Variants in ADD2 observed in about 807,000 individuals in gnomAD.
ADD2 encodes the protein adducin 2.
Under a neutral mutation model 83.0 loss-of-function variants are expected in ADD2, and 23 were observed. The observed-to-expected ratio is 0.28, with a 90% CI of 0.20 to 0.39. ADD2 has a LOEUF of 0.39. Ranked by LOEUF, ADD2 falls within the 10% of genes least tolerant of loss-of-function variation. The pLI is 1.00. For missense variants in ADD2, 758 were observed against 944.9 expected (o/e 0.80, Z 2.59); for synonymous variants, 375 against 375.4 (o/e 1.00, Z 0.01).
In ADD2 at chr2:70,713,121, C is replaced by T; in HGVS notation, c.-90G>A. The stretch of plus-strand genomic sequence containing the variant: ...CCTTCTGTTCACTGCTCAGTCTGCA[C>T]CCCCTAGCTCCACTCTCAAGGGTGC... On this transcript the variant is annotated 5_prime_UTR_variant, in exon 2 of 16. The change creates a new upstream start codon in the 5' untranslated region. Coordinates refer to ENST00000264436, the MANE Select transcript of ADD2 (RefSeq NM_001617.4). 3.6e-5 allele frequency: 35 copies of T among 983,468 alleles called. No homozygotes were observed. Among genetic ancestry groups the T allele is most frequent in the Non-Finnish European group, 4.2e-5 (35 of 830,004 alleles). The allele number at this position is 983,468 out of a possible 1,614,324, so 60.9% of individuals were successfully genotyped here.
chr2:70,698,646 T>C (rs1158663094), intron 4 of ADD2, among the ~76,000 whole-genome samples: 2 of 152,206 alleles, frequency 1.3e-5, no homozygotes, highest in African/African-American at 4.8e-5. Context: ...ATCATTATAT[T>C]ATTATTTATA....
intron 1 of ADD2, among the ~76,000 whole-genome samples, chr2:70,743,568 C>T (rs1674031471): frequency 6.6e-6 from 1 of 152,104 alleles, no homozygotes; most frequent in Non-Finnish European, 1.5e-5. Flanking sequence ...TCTTTCTTCT[C>T]AACAAGTGTG....
At chr2:70,718,203 G>A (rs1365585846) in intron 1 of ADD2, among the ~76,000 whole-genome samples, 1 of 152,226 alleles carries the variant, frequency 6.6e-6, no homozygotes, top group East Asian at 1.9e-4. Flanking sequence ...GTTGTGGCAT[G>A]AATGGACTGA....
Position 70,768,100 on chromosome 2 carries a change from C to T in ADD2, c.-368G>A, listed in dbSNP as rs895395955. 2.3e-6 allele frequency: 2 copies of T among 870,774 alleles called. No homozygotes were observed. Among genetic ancestry groups the T allele is most frequent in the Non-Finnish European group, 3.4e-6 (2 of 581,278 alleles). The allele number at this position is 870,774 out of a possible 1,614,324, so 53.9% of individuals were successfully genotyped here. ...GGCGGCGGGGATGACTGGCCACCGA[C>T]GCCGCAGTTCCTTGACAAAAGGCTC... is the stretch of plus-strand genomic sequence containing the variant. On this transcript the variant is annotated 5_prime_UTR_variant, in exon 1 of 16. Coordinates refer to ENST00000264436, the MANE Select transcript of ADD2 (RefSeq NM_001617.4).
chr2:70,667,634 G>A (rs1160963261), intron 15 of ADD2, among the ~76,000 whole-genome samples: 18 of 152,118 alleles, frequency 1.2e-4, no homozygotes, highest in African/African-American at 4.1e-4. Context: ...TCGCTTTTTG[G>A]TGGGGGGATG....
chr2:70,706,521 G>T lies in ADD2; in HGVS notation c.-34-79C>A. The T allele has an allele frequency of 7.6e-7, 1 of 1,317,110 alleles. No individual in the cohort carries two copies. The highest frequency in any genetic ancestry group is 1.5e-5 in the South Asian group (1 of 67,602). 81.6% of individuals were successfully genotyped at this position (1,317,110 alleles called of 1,614,324 possible). ...CACGTTTCTCAGAGCACAGGGCTAG[G>T]TTCAGTTGGATTCTCAGTGGGGTAC... On this transcript the variant is annotated intron_variant, in intron 2 of 15. Transcript: ENST00000264436. This position sits in a 1 kb window ranked among gnomAD's most constrained non-coding sequence, Gnocchi z 5.0.
intron 15 of ADD2, among the ~76,000 whole-genome samples, chr2:70,665,138 C>A (rs781972446): frequency 2.0e-5 from 3 of 152,004 alleles, no homozygotes; most frequent in Non-Finnish European, 4.4e-5. Context: ...ACAGAGGGAG[C>A]GAGTGAAGGA....
chr2:70,657,621 G>C lies in ADD2; in HGVS notation c.*5804C>G, dbSNP rs868951624. The C allele has an allele frequency of 6.6e-6, 1 of 152,082 alleles. No individual in the cohort carries two copies. Among genetic ancestry groups the C allele is most frequent in the Admixed American group, 6.6e-5 (1 of 15,252 alleles). The allele number at this position is 152,082 out of a possible 1,614,324, so 9.4% of individuals were successfully genotyped here. A position where few individuals can be genotyped will look rare whatever the true frequency, so the allele number is the denominator to read the frequency against. ...TTTCAAGTGTGGCCACTCTGCCCTTGGTCCAATTGCCATCCTCCTTCTGAT... is the reference window on the plus strand; with the variant it reads ...TTTCAAGTGTGGCCACTCTGCCCTTCGTCCAATTGCCATCCTCCTTCTGAT... On this transcript the variant is annotated 3_prime_UTR_variant, in exon 16 of 16. Transcript: ENST00000264436.
intron 15 of ADD2, among the ~76,000 whole-genome samples, chr2:70,668,487 C>CT (rs1553366546): frequency 6.6e-6 from 1 of 152,214 alleles, no homozygotes; most frequent in East Asian, 1.9e-4. Flanking sequence ...TGTCATTTAT[C>CT]TTTTTTTCTT....
chr2:70,745,905 A>G (rs1386750707), intron 1 of ADD2, among the ~76,000 whole-genome samples: 2 of 152,244 alleles, frequency 1.3e-5, no homozygotes, highest in Non-Finnish European at 2.9e-5. Context: ...ATATCACTCA[A>G]TGTAAGTTAT....
In ADD2 at chr2:70,662,505, G is replaced by C. The variant is rs1424974348; in HGVS notation, c.*920C>G. On this transcript the variant is annotated 3_prime_UTR_variant, in exon 16 of 16. Transcript: ENST00000264436. ...ACTGGACAGGAGTGAGGCAGGTACA[G>C]TGCATTGCTCCAGGTGTCATGCAAA... 4 of 152,240 alleles carry C rather than the reference G, an allele frequency of 2.6e-5. No homozygotes were observed. Among genetic ancestry groups the C allele is most frequent in the Admixed American group, 2.0e-4 (3 of 15,292 alleles). The allele number at this position is 152,240 out of a possible 1,614,324, so 9.4% of individuals were successfully genotyped here. A position where few individuals can be genotyped will look rare whatever the true frequency, so the allele number is the denominator to read the frequency against.
chr2:70,672,803 G>C, intron 15 of ADD2, 75 bp downstream of exon 15: 2 of 1,489,632 alleles, frequency 1.3e-6, no homozygotes. Context: ...GGCAACACGA[G>C]TGGAAGGCAG....
chr2:70,749,277 G>T (rs986159142), intron 1 of ADD2, among the ~76,000 whole-genome samples: 109 of 152,146 alleles, frequency 7.2e-4, no homozygotes, highest in African/African-American at 2.6e-3. Context: ...CTCCCACAGG[G>T]TCCCTCCCAT....
At chr2:70,682,938 AAGAC>A (rs1433157342) in intron 10 of ADD2, among the ~76,000 whole-genome samples, 2 of 152,178 alleles carry the variant, frequency 1.3e-5, no homozygotes, top group African/African-American at 4.8e-5. Context: ...AATGGACAGA[AAGAC>A]AGAACTAACT....
rs1178155703 is a variant in ADD2 at position 70,657,020 on chromosome 2, TATA to T, written c.*6402_*6404del. 1 of 150,660 alleles carries T rather than the reference TATA, an allele frequency of 6.6e-6. No homozygotes were observed. Among genetic ancestry groups the T allele is most frequent in the Non-Finnish European group, 1.5e-5 (1 of 67,756 alleles). 9.3% of individuals were successfully genotyped at this position (150,660 alleles called of 1,614,324 possible). A position where few individuals can be genotyped will look rare whatever the true frequency, so the allele number is the denominator to read the frequency against. On this transcript the variant is annotated 3_prime_UTR_variant, in exon 16 of 16. Transcript: ENST00000264436. Reference sequence around the variant, plus strand: ...ACCAACCCATAAATATATATATATATATAATATGTGTATATATATAAAATTGCA... The same window carrying T: ...ACCAACCCATAAATATATATATATATATATGTGTATATATATAAAATTGCA...
At position 70,661,171 on chromosome 2, in the gene ADD2, C is replaced by T. The variant is rs1675525465; in HGVS notation, c.*2254G>A. The T allele has an allele frequency of 2.0e-5, 3 of 152,144 alleles. No homozygotes were observed. The highest frequency in any genetic ancestry group is 4.4e-5 in the Non-Finnish European group (3 of 68,032). The allele number at this position is 152,144 out of a possible 1,614,324, so 9.4% of individuals were successfully genotyped here. ...GAATGCAGAGGCAATCAACATCACC[C>T]CCGAAGTAGAACAACTCGCACACAA... On this transcript the variant is annotated 3_prime_UTR_variant, in exon 16 of 16. Coordinates refer to ENST00000264436, the MANE Select transcript of ADD2 (RefSeq NM_001617.4).
In ADD2 at chr2:70,672,902, C is replaced by T. The variant is rs1553367385; in HGVS notation, c.1846G>A (p.Val616Ile). ...CCCTCTAAAGACTTGGAAGGAGAGA[C>T]TAAAGGGCTCTTTGTCTCTGCCTCC... ...AKEAETKSPLVSPSKSLEEGT... is the reference protein window; with the variant it reads ...AKEAETKSPLISPSKSLEEGT... The change falls in exon 15 of 16, where the codon GTC becomes ATC. Residue 616 changes from valine to isoleucine, a missense_variant. Coordinates refer to ENST00000264436, the MANE Select transcript of ADD2 (RefSeq NM_001617.4). 6.2e-7 allele frequency: 1 copy of T among 1,613,072 alleles called. No homozygotes were observed. The highest frequency in any genetic ancestry group is 1.7e-5 in the Admixed American group (1 of 59,912).
At chr2:70,663,870 G>A in intron 15 of ADD2, 135 bp from the exon 16 acceptor site, 1 of 946,654 alleles carries the variant, frequency 1.1e-6, no homozygotes, top group Non-Finnish European at 1.5e-6. Flanking sequence ...TGATGTTGAG[G>A]GATGGCTACC....
rs557124037 is a variant in ADD2 at position 70,754,212 on chromosome 2, C to T, written c.-154+13674G>A. Among the ~76,000 whole-genome samples the T allele has an allele frequency of 1.5e-3, 229 of 152,264 alleles. 1 individual carries two copies. Among genetic ancestry groups the T allele is most frequent in the Non-Finnish European group, 2.4e-3 (163 of 68,014 alleles). ...TGCCTTTAACTGAGTTTTGAACAAGCCCAAAGTCAATAATGCCTCCTTGGT... is the reference window on the plus strand; with the variant it reads ...TGCCTTTAACTGAGTTTTGAACAAGTCCAAAGTCAATAATGCCTCCTTGGT... On this transcript the variant is annotated intron_variant, in intron 1 of 15. Coordinates refer to ENST00000264436, the MANE Select transcript of ADD2 (RefSeq NM_001617.4).
Sources: allele counts gnomAD v4.1 joint callset (sites outside exome capture counted in the v4.1 genomes callset), GRCh38; gene constraint gnomAD v4.1.1; non-coding constraint Gnocchi (gnomAD v3.1); transcripts MANE v1.5; gene names NCBI Gene and HGNC (gene_info 2026-07-23, HGNC 2026-07-21).